Variants in EPB41L3 observed in about 807,000 individuals in gnomAD.
The protein encoded by EPB41L3 is erythrocyte membrane protein band 4.1 like 3, also known as band 4.1-like protein 3.
In EPB41L3, 57 loss-of-function variants were observed where a neutral mutation model predicts 127.1. The ratio of observed to expected loss-of-function variants is 0.45; its 90% CI spans 0.36 to 0.56. The LOEUF is 0.56. Ranked by LOEUF, EPB41L3 falls within the 20% of genes least tolerant of loss-of-function variation. The probability of loss-of-function intolerance (pLI) is 0.00; values close to 1 mark genes in which losing one functional copy is unlikely to be tolerated. For synonymous variants in EPB41L3, 572 were observed against 549.5 expected (o/e 1.04, Z -0.57); for missense variants, 1,273 against 1,372.2 (o/e 0.93, Z 1.14).
At position 5,398,209 on chromosome 18, in the gene EPB41L3, T is replaced by G. The variant is rs1315757957; in HGVS notation, c.2350-66A>C. The G allele has an allele frequency of 3.8e-6, 6 of 1,586,332 alleles. No individual in the cohort carries two copies. The East Asian group carries it at 1.4e-4, about 36-fold the overall frequency. The stretch of plus-strand genomic sequence containing the variant: ...GACACAAACTCAGGCACATAAACAT[T>G]CACAGCTTGTTAGACAAAATCGTAG... On this transcript the variant is annotated intron_variant, in intron 16 of 22. Transcript: ENST00000341928.
intron 5 of EPB41L3, among the ~76,000 whole-genome samples, chr18:5,441,627 G>A (rs998589368): frequency 8.6e-5 from 13 of 151,990 alleles, no homozygotes; most frequent in East Asian, 1.9e-4. Context: ...CACCATGCCC[G>A]GCTAATTTTT....
At chr18:5,476,539 C>A (rs74666871) in intron 3 of EPB41L3, among the ~76,000 whole-genome samples, 34 of 152,306 alleles carry the variant, frequency 2.2e-4, no homozygotes, top group Non-Finnish European at 4.3e-4. Flanking sequence ...ATGTGAAACA[C>A]TATAAACTTT....
intron 3 of EPB41L3, among the ~76,000 whole-genome samples, chr18:5,477,954 T>C (rs2087577723): frequency 6.6e-6 from 1 of 152,234 alleles, no homozygotes; most frequent in Admixed American, 6.5e-5. Context: ...TTAAAGTCTA[T>C]TTTTAAAGCT....
Position 5,473,558 on chromosome 18 carries a change from T to G in EPB41L3, c.381+4683A>C, listed in dbSNP as rs577859697. 8.6e-5 allele frequency among the ~76,000 whole-genome samples: 13 copies of G among 151,474 alleles called. No homozygotes were observed. In the East Asian group the frequency reaches 2.5e-3, roughly 29 times the overall value. ...TAGAGAAAGCAAAGTCCTAATTCGA[T>G]AGTCACTACGAATACACTGTACACT... On this transcript the variant is annotated intron_variant, in intron 3 of 22. Transcript: ENST00000341928.
intron 1 of EPB41L3, among the ~76,000 whole-genome samples, chr18:5,499,806 T>C (rs2091560201): frequency 6.7e-6 from 1 of 149,962 alleles, no homozygotes; most frequent in African/African-American, 2.5e-5. Context: ...CTATATTCCC[T>C]ACTACATACT....
At chr18:5,456,343 GA>G (rs1354623236) in intron 3 of EPB41L3, among the ~76,000 whole-genome samples, 1 of 152,108 alleles carries the variant, frequency 6.6e-6, no homozygotes, top group African/African-American at 2.4e-5. Flanking sequence ...GAAAGAGAAA[GA>G]ATATCAAGGT....
intron 12 of EPB41L3, 42 bp from the exon 13 acceptor site, chr18:5,416,420 G>C (rs2076835520): frequency 6.4e-7 from 1 of 1,554,548 alleles, no homozygotes; most frequent in African/African-American, 1.4e-5. Flanking sequence ...GCAGCAAACA[G>C]AGGTGCAAAA....
chr18:5,569,104 T>A (rs1445780339), intron 3 of EPB41L3, among the ~76,000 whole-genome samples: 1 of 152,230 alleles, frequency 6.6e-6, no homozygotes, highest in Non-Finnish European at 1.5e-5. Context: ...TTCAGTCATC[T>A]GAACAGGAGC....
At chr18:5,557,542 C>G (rs1388463555) in intron 3 of EPB41L3, among the ~76,000 whole-genome samples, 1 of 152,092 alleles carries the variant, frequency 6.6e-6, no homozygotes, top group Non-Finnish European at 1.5e-5. Context: ...GTGCCACTAC[C>G]ACATGGCTAA....
intron 22 of EPB41L3, 178 bp from the exon 23 acceptor site, chr18:5,393,656 C>A: frequency 2.1e-6 from 1 of 472,986 alleles, no homozygotes; most frequent in South Asian, 4.0e-5. Flanking sequence ...TACAACAACG[C>A]CCAAGTGGCT....
Position 5,393,244 on chromosome 18 carries a change from T to C in EPB41L3, c.*241A>G. The C allele has an allele frequency of 4.7e-6, 2 of 424,406 alleles. No individual in the cohort carries two copies. Among genetic ancestry groups the C allele is most frequent in the Non-Finnish European group, 8.3e-6 (2 of 239,814 alleles). 26.3% of individuals were successfully genotyped at this position (424,406 alleles called of 1,614,324 possible). A position where few individuals can be genotyped will look rare whatever the true frequency, so the allele number is the denominator to read the frequency against. On this transcript the variant is annotated 3_prime_UTR_variant, in exon 23 of 23. Coordinates refer to ENST00000341928, the MANE Select transcript of EPB41L3 (RefSeq NM_012307.5). ...TTGTGAAAATTAAAAATGCTGCTCT[T>C]TTGTAATTTTATCGTTGCTTCATGC...
intron 1 of EPB41L3, chr18:5,540,450 C>T (rs1368216319): frequency 1.0e-5 from 10 of 985,316 alleles, no homozygotes; most frequent in Non-Finnish European, 1.2e-5. Flanking sequence ...ACCCTTGTTT[C>T]CTTTGAGCCA....
At chr18:5,499,425 C>T (rs948641259) in intron 1 of EPB41L3, among the ~76,000 whole-genome samples, 7 of 151,936 alleles carry the variant, frequency 4.6e-5, no homozygotes, top group African/African-American at 1.7e-4. Flanking sequence ...TATCCTTTTA[C>T]TCACTGTAAG....
At position 5,451,885 on chromosome 18, in the gene EPB41L3, C is replaced by A. The variant is rs553563080; in HGVS notation, c.382-6641G>T. On this transcript the variant is annotated intron_variant, in intron 3 of 22. Transcript: ENST00000341928. Reference sequence around the variant, plus strand: ...ACGGAGTCTCACTCTGTTGCCCCGGCTGGAGTCCAGTGGCGTGATCTCGGC... The same window carrying A: ...ACGGAGTCTCACTCTGTTGCCCCGGATGGAGTCCAGTGGCGTGATCTCGGC... 3.3e-5 allele frequency among the ~76,000 whole-genome samples: 5 copies of A among 152,254 alleles called. No individual in the cohort carries two copies. In the South Asian group the frequency reaches 1.0e-3, roughly 32 times the overall value.
In EPB41L3 at chr18:5,488,015, C is replaced by T. The variant is rs370092825; in HGVS notation, c.183+986G>A. Among the ~76,000 whole-genome samples, 32 of 152,250 alleles carry T rather than the reference C, an allele frequency of 2.1e-4. 1 individual carries two copies. The South Asian group carries it at 6.2e-3, about 30-fold the overall frequency. On this transcript the variant is annotated intron_variant, in intron 2 of 22. Coordinates refer to ENST00000341928, the MANE Select transcript of EPB41L3 (RefSeq NM_012307.5). Reference sequence around the variant, plus strand: ...GCTTTACCACATACAAATCGGCACTCTAAAACATTTTGATTCCAAGTTTGA... The same window carrying T: ...GCTTTACCACATACAAATCGGCACTTTAAAACATTTTGATTCCAAGTTTGA...
At chr18:5,585,817 C>G (rs8095856) in intron 3 of EPB41L3, among the ~76,000 whole-genome samples, 88,781 of 151,164 alleles carry the variant, frequency 0.59, 26,416 homozygotes, top group East Asian at 0.74. Flanking sequence ...AAAGAATTAG[C>G]CTGAGAAGCG....
At chr18:5,535,888 T>C (rs2148985936) in intron 1 of EPB41L3, among the ~76,000 whole-genome samples, 1 of 152,336 alleles carries the variant, frequency 6.6e-6, no homozygotes, top group Middle Eastern at 3.4e-3. Context: ...GGTTGGGAAC[T>C]CAGAGAGAGA....
chr18:5,481,344 A>G (rs1403036210), intron 2 of EPB41L3, among the ~76,000 whole-genome samples: 1 of 152,208 alleles, frequency 6.6e-6, no homozygotes. Context: ...GAGGCCACAG[A>G]AAAGTAGAAA....
chr18:5,519,522 G>T (rs1178799052), intron 1 of EPB41L3, among the ~76,000 whole-genome samples: 1 of 152,150 alleles, frequency 6.6e-6, no homozygotes, highest in Non-Finnish European at 1.5e-5. Context: ...GCAGAAGTTG[G>T]TGCCTTTCAA....
Sources: gnomAD v4.1 joint callset for allele counts (sites outside exome capture counted in the v4.1 genomes callset) on GRCh38, gnomAD v4.1.1 for gene constraint, MANE v1.5 for transcripts, NCBI Gene and HGNC (gene_info 2026-07-23, HGNC 2026-07-21) for gene names.